The following RAPH1 variants were observed in gnomAD, a reference collection of about 807,000 sequenced individuals.
RAPH1 encodes ras-associated and pleckstrin homology domains-containing protein 1.
In RAPH1, 18 loss-of-function variants were observed where a neutral mutation model predicts 88.1. The observed-to-expected ratio is 0.20, with a 90% CI of 0.14 to 0.30. The LOEUF (loss-of-function observed/expected upper bound fraction) is 0.30. Ranked by LOEUF, RAPH1 falls within the 10% of genes least tolerant of loss-of-function variation. The probability of loss-of-function intolerance (pLI) is 1.00; values close to 1 mark genes in which losing one functional copy is unlikely to be tolerated. For missense variants in RAPH1, 1,448 were observed against 1,543.2 expected (o/e 0.94, Z 1.03); for synonymous variants, 587 against 559.0 (o/e 1.05, Z -0.71).
intron 4 of RAPH1, among the ~76,000 whole-genome samples, chr2:203,477,753 C>T (rs1163895842): frequency 1.3e-5 from 2 of 152,064 alleles, no homozygotes; most frequent in African/African-American, 4.8e-5. Context: ...CATTCATTTC[C>T]CCCTCCTAAA....
At chr2:203,495,376 G>A (rs1036147780) in intron 1 of RAPH1, 23 bp from the exon 2 acceptor site, 2 of 1,612,612 alleles carry the variant, frequency 1.2e-6, no homozygotes, top group Admixed American at 3.3e-5. Context: ...CATTTGTGTA[G>A]AATGAATAGT....
chr2:203,457,442 C>A lies in RAPH1; in HGVS notation c.1158+88G>T, dbSNP rs545233561. On this transcript the variant is annotated intron_variant, in intron 8 of 13. Transcript: ENST00000319170. ...CTTGTGATTCACTCACCTCAGCCTCCCGAAGTGTTGGGATTGCAGGCGTGA... is the reference window on the plus strand; with the variant it reads ...CTTGTGATTCACTCACCTCAGCCTCACGAAGTGTTGGGATTGCAGGCGTGA... 50 of 1,027,142 alleles carry A rather than the reference C, an allele frequency of 4.9e-5. 1 individual carries two copies. In the East Asian group the frequency reaches 1.1e-3, roughly 22 times the overall value. 63.6% of individuals were successfully genotyped at this position (1,027,142 alleles called of 1,614,324 possible). A position where few individuals can be genotyped will look rare whatever the true frequency, so the allele number is the denominator to read the frequency against.
chr2:203,466,511 TAA>T, intron 4 of RAPH1, among the ~76,000 whole-genome samples: 1 of 152,344 alleles, frequency 6.6e-6, no homozygotes, highest in African/African-American at 2.4e-5. Context: ...AGTTTATTTA[TAA>T]AGGCAATGCA....
chr2:203,506,760 A>AGATATATATC (rs1689035822), intron 1 of RAPH1, among the ~76,000 whole-genome samples: 1 of 132,094 alleles, frequency 7.6e-6, no homozygotes, highest in Non-Finnish European at 1.5e-5. Context: ...ATATATATCT[A>AGATATATATC]TATATATATC....
chr2:203,444,586 A>T (rs2098507699), intron 13 of RAPH1: 3 of 405,238 alleles, frequency 7.4e-6, no homozygotes, highest in Non-Finnish European at 8.7e-6. Flanking sequence ...ATTTCTTAAA[A>T]ATCTGAGCCA....
chr2:203,444,626 T>G (rs181674400), intron 13 of RAPH1: 121 of 419,634 alleles, frequency 2.9e-4, no homozygotes, highest in African/African-American at 1.8e-3. Flanking sequence ...GCCAGTTTTT[T>G]TTGTTTTTTT....
At chr2:203,521,745 A>G (rs143391727) in intron 1 of RAPH1, among the ~76,000 whole-genome samples, 2,109 of 152,300 alleles carry the variant, frequency 0.014, 27 homozygotes, top group Middle Eastern at 0.024. Context: ...CCCACACATT[A>G]TATTATTATA....
At chr2:203,442,181 G>T in intron 13 of RAPH1, 1 of 1,227,882 alleles carries the variant, frequency 8.1e-7, no homozygotes, top group Non-Finnish European at 1.1e-6. Context: ...AGCTCTGGAA[G>T]GCTAGAATAA....
At position 203,456,008 on chromosome 2, in the gene RAPH1, C is replaced by CAAAACA. The variant is rs144160900; in HGVS notation, c.1159-434_1159-429dup. 1.3e-3 allele frequency among the ~76,000 whole-genome samples: 194 copies of CAAAACA among 150,828 alleles called. 1 individual carries two copies. The highest frequency in any genetic ancestry group is 4.7e-3 in the East Asian group (24 of 5,142). On this transcript the variant is annotated intron_variant, in intron 8 of 13. Transcript: ENST00000319170. The stretch of plus-strand genomic sequence containing the variant: ...TGGGCAACAGAGCGAGACTCTGTCT[C>CAAAACA]AAAACAAAAACAAAAACAAAAACAA...
Position 203,440,978 on chromosome 2 carries a change from G to C in RAPH1, c.2212C>G (p.Pro738Ala), listed in dbSNP as rs768471225. 1.3e-6 allele frequency: 2 copies of C among 1,573,538 alleles called. No homozygotes were observed. Among genetic ancestry groups the C allele is most frequent in the Non-Finnish European group, 8.6e-7 (1 of 1,163,284 alleles). The change falls in exon 14 of 14, where the codon CCA becomes GCA. Residue 738 changes from proline to alanine, a missense_variant. Pro to Ala is a conservative substitution (Grantham distance 27). Around this residue, in one of 2 missense-constraint regions of RAPH1, gnomAD observed 935 missense variants for 890.1 expected, o/e 1.05. Transcript: ENST00000319170. Reference sequence around the variant, plus strand: ...GGAGGAGGCGGGGCACTGAACTGTGGAAGGGATGGGGCACACGGTGCAGGC... The same window carrying C: ...GGAGGAGGCGGGGCACTGAACTGTGCAAGGGATGGGGCACACGGTGCAGGC... Reference protein sequence around the residue: ...LKPAPCAPSLPQFSAPPPPLK... With the variant: ...LKPAPCAPSLAQFSAPPPPLK...
rs2098498790 is a variant in RAPH1 at position 203,436,681 on chromosome 2, T to G, written c.*2756A>C. 1 of 152,234 alleles carries G rather than the reference T, an allele frequency of 6.6e-6. No homozygotes were observed. Among genetic ancestry groups the G allele is most frequent in the South Asian group, 2.1e-4 (1 of 4,832 alleles). The allele number at this position is 152,234 out of a possible 1,614,324, so 9.4% of individuals were successfully genotyped here. A position where few individuals can be genotyped will look rare whatever the true frequency, so the allele number is the denominator to read the frequency against. On this transcript the variant is annotated 3_prime_UTR_variant, in exon 14 of 14. Transcript: ENST00000319170. ...CTGTTCACTTTTCAGTACAGCCAAG[T>G]CAACTGCACAGACTTGAAGCAGCCA... is the stretch of plus-strand genomic sequence containing the variant.
In RAPH1 at chr2:203,471,506, G is replaced by A. The variant is rs151206392; in HGVS notation, c.733-9581C>T. The stretch of plus-strand genomic sequence containing the variant: ...AGGAGCCTGTAATCCCAGCCACTCA[G>A]CAGGCTGCTGCAGAAGAATCGCTTG... On this transcript the variant is annotated intron_variant, in intron 4 of 13. Coordinates refer to ENST00000319170, the MANE Select transcript of RAPH1 (RefSeq NM_213589.3). 4.2e-3 allele frequency among the ~76,000 whole-genome samples: 633 copies of A among 152,206 alleles called. 3 individuals carry two copies. Among genetic ancestry groups the A allele is most frequent in the Non-Finnish European group, 7.0e-3 (477 of 68,018 alleles).
chr2:203,441,603 G>A, intron 13 of RAPH1, 190 bp from the exon 14 acceptor site: 1 of 1,343,938 alleles, frequency 7.4e-7, no homozygotes, highest in Non-Finnish European at 9.5e-7. Flanking sequence ...GTGCGGGCAA[G>A]AAGGAAACAG....
rs1488308709 is a variant in RAPH1 at position 203,434,056 on chromosome 2, C to CTATCTATCTATCTATCTATA, written c.*5380_*5381insTATAGATAGATAGATAGATA. 1 of 145,646 alleles carries CTATCTATCTATCTATCTATA rather than the reference C, an allele frequency of 6.9e-6. No individual in the cohort carries two copies. Among genetic ancestry groups the CTATCTATCTATCTATCTATA allele is most frequent in the African/African-American group, 2.5e-5 (1 of 39,222 alleles). The allele number at this position is 145,646 out of a possible 1,614,324, so 9.0% of individuals were successfully genotyped here. A position where few individuals can be genotyped will look rare whatever the true frequency, so the allele number is the denominator to read the frequency against. ...CTCTCTCATATATCTATCTATCTAT[C>CTATCTATCTATCTATCTATA]TATATATATATATATATATATATAG... On this transcript the variant is annotated 3_prime_UTR_variant, in exon 14 of 14. Coordinates refer to ENST00000319170, the MANE Select transcript of RAPH1 (RefSeq NM_213589.3).
At chr2:203,461,701 A>T in intron 5 of RAPH1, 147 bp downstream of exon 5, 1 of 599,906 alleles carries the variant, frequency 1.7e-6, no homozygotes, top group Non-Finnish European at 2.7e-6. Flanking sequence ...CCCACAAAAA[A>T]TACTACATGT....
chr2:203,506,812 C>CTCTATATCTATA, intron 1 of RAPH1, among the ~76,000 whole-genome samples: 1 of 52,214 alleles, frequency 1.9e-5, no homozygotes, highest in East Asian at 3.8e-4. Context: ...ATATCTATAT[C>CTCTATATCTATA]TATATATCTA....
At chr2:203,517,415 T>A (rs1166005024) in intron 1 of RAPH1, among the ~76,000 whole-genome samples, 1 of 135,946 alleles carries the variant, frequency 7.4e-6, no homozygotes, top group Non-Finnish European at 1.6e-5. Context: ...TCCACTATCA[T>A]AGCTGGAGAC....
intron 1 of RAPH1, among the ~76,000 whole-genome samples, chr2:203,521,689 T>C (rs888649828): frequency 2.6e-5 from 4 of 152,262 alleles, no homozygotes; most frequent in East Asian, 3.9e-4. Context: ...CATATGCTTA[T>C]TGTACAGTAA....
intron 4 of RAPH1, among the ~76,000 whole-genome samples, chr2:203,485,687 G>C (rs1428802289): frequency 1.3e-5 from 2 of 152,162 alleles, no homozygotes; most frequent in African/African-American, 2.4e-5. Flanking sequence ...TCTCTACCTA[G>C]AGCAGTGGTG....
Sources: gnomAD v4.1 joint callset for allele counts (sites outside exome capture counted in the v4.1 genomes callset) on GRCh38, gnomAD v4.1.1 for gene constraint, gnomAD v4.1.1 regional missense constraint, MANE v1.5 for transcripts, NCBI Gene and HGNC (gene_info 2026-07-23, HGNC 2026-07-21) for gene names.